Variants in ANKRD50 observed in about 807,000 individuals in gnomAD.
The protein encoded by ANKRD50 is ankyrin repeat domain 50, also known as ankyrin repeat domain-containing protein 50.
Under a neutral mutation model 112.0 loss-of-function variants are expected in ANKRD50, and 40 were observed. The ratio of observed to expected loss-of-function variants is 0.36; its 90% CI spans 0.28 to 0.46. ANKRD50 has a LOEUF of 0.46. ANKRD50 is among the 20% of genes least tolerant of loss of function. The pLI is 1.00. For synonymous variants in ANKRD50, 613 were observed against 619.1 expected, an observed-to-expected ratio of 0.99 and a Z score of 0.15; for missense variants, 1,487 against 1,701.7, an observed-to-expected ratio of 0.87 and a Z score of 2.22.
In ANKRD50 at chr4:124,669,245, C is replaced by T. The variant is rs756371482; in HGVS notation, c.4032G>A (p.Gln1344=). 6.2e-7 allele frequency: 1 copy of T among 1,613,684 alleles called. No individual in the cohort carries two copies. The highest frequency in any genetic ancestry group is 8.5e-7 in the Non-Finnish European group (1 of 1,179,792). The part of the protein sequence containing the change: ...SAQQEIGRSQ[Q]QFLIHQQSGE... Reference sequence around the variant, plus strand: ...CACTTTGTTGGTGAATAAGAAACTGCTGTTGAGATCGACCAATTTCCTGCT... The same window carrying T: ...CACTTTGTTGGTGAATAAGAAACTGTTGTTGAGATCGACCAATTTCCTGCT... Residue 1344 remains glutamine, a synonymous_variant, in exon 4 of 5, where the codon CAG becomes CAA. Transcript: ENST00000504087.
chr4:124,682,082 C>T (rs1180507635), intron 2 of ANKRD50, among the ~76,000 whole-genome samples: 6 of 151,880 alleles, frequency 4.0e-5, no homozygotes, highest in South Asian at 2.1e-4. Flanking sequence ...ACAGGGAGGC[C>T]GAGGCGGGTG....
In ANKRD50 at chr4:124,679,481, C is replaced by T. The variant is rs150247607; in HGVS notation, c.513-576G>A. ...ATATTTTCAAACTTCAAAGTAAGAACAAAGTATTAGGCTTTACTCCATTAA... is the reference window on the plus strand; with the variant it reads ...ATATTTTCAAACTTCAAAGTAAGAATAAAGTATTAGGCTTTACTCCATTAA... On this transcript the variant is annotated intron_variant, in intron 2 of 4. Transcript: ENST00000504087. Among the ~76,000 whole-genome samples the T allele has an allele frequency of 1.5e-3, 234 of 152,236 alleles. 1 individual carries two copies. The highest frequency in any genetic ancestry group is 4.8e-3 in the African/African-American group (200 of 41,544).
chr4:124,691,982 C>T (rs1329171098), intron 2 of ANKRD50, among the ~76,000 whole-genome samples: 4 of 152,150 alleles, frequency 2.6e-5, no homozygotes, highest in Admixed American at 6.5e-5. Context: ...CCACACCTGA[C>T]GTCATGGGAC....
chr4:124,679,451 T>C (rs1017322185), intron 2 of ANKRD50, among the ~76,000 whole-genome samples: 4 of 152,226 alleles, frequency 2.6e-5, no homozygotes, highest in Admixed American at 2.0e-4. Flanking sequence ...TAGATCCCAT[T>C]TGACATATTT....
At chr4:124,678,135 T>G (rs189141418) in intron 3 of ANKRD50, among the ~76,000 whole-genome samples, 172 of 152,264 alleles carry the variant, frequency 1.1e-3, no homozygotes, top group African/African-American at 4.1e-3. Context: ...AAAAGTTATA[T>G]GGCTAATTAA....
At chr4:124,700,360 T>C (rs1725362483) in intron 2 of ANKRD50, among the ~76,000 whole-genome samples, 1 of 152,212 alleles carries the variant, frequency 6.6e-6, no homozygotes, top group Non-Finnish European at 1.5e-5. Context: ...TGGAAGGTTT[T>C]AAGCAGGAAA....
intron 2 of ANKRD50, among the ~76,000 whole-genome samples, chr4:124,694,206 A>C (rs1336227729): frequency 6.6e-6 from 1 of 152,236 alleles, no homozygotes; most frequent in African/African-American, 2.4e-5. Flanking sequence ...AAAACTAGTA[A>C]GTAAAATTGA....
intron 2 of ANKRD50, among the ~76,000 whole-genome samples, chr4:124,689,124 C>T (rs1043294521): frequency 6.6e-6 from 1 of 152,188 alleles, no homozygotes; most frequent in Admixed American, 6.5e-5. Context: ...TTAGCATCCA[C>T]TTTCAAAAAC....
chr4:124,690,238 T>C (rs947756050), intron 2 of ANKRD50, among the ~76,000 whole-genome samples: 5 of 152,210 alleles, frequency 3.3e-5, no homozygotes, highest in African/African-American at 9.6e-5. Flanking sequence ...TAACAATGAA[T>C]ACTCAACATC....
chr4:124,691,486 G>A lies in ANKRD50; in HGVS notation c.513-12581C>T, dbSNP rs865862684. 5.8e-5 allele frequency among the ~76,000 whole-genome samples: 6 copies of A among 102,800 alleles called. No individual in the cohort carries two copies. The East Asian group carries it at 1.6e-3, about 27-fold the overall frequency. The allele number at this position is 102,800 out of a possible 152,430, so 67.4% of individuals were successfully genotyped here. On this transcript the variant is annotated intron_variant, in intron 2 of 4. Transcript: ENST00000504087. ...CGCAGTCCGGCCTGGGCGACAGAGC[G>A]AGACTCCGTCTCAAAAAAAAAAAAA...
At position 124,671,921 on chromosome 4, in the gene ANKRD50, T is replaced by C. The variant is rs779196867; in HGVS notation, c.1356A>G (p.Ala452=). The change falls in exon 4 of 5, where the codon GCA becomes GCG. Residue 452 remains alanine (A), a synonymous_variant. Coordinates refer to ENST00000504087, the MANE Select transcript of ANKRD50 (RefSeq NM_020337.3). ...CQAKNLTPLE[A]QEFALHLINS... Reference sequence around the variant, plus strand: ...TAATTAAGTGCAATGCAAATTCTTGTGCTTCCAATGGTGTTAAATTCTTGG... The same window carrying C: ...TAATTAAGTGCAATGCAAATTCTTGCGCTTCCAATGGTGTTAAATTCTTGG... 20 of 1,613,826 alleles carry C rather than the reference T, an allele frequency of 1.2e-5. No homozygotes were observed. The highest frequency in any genetic ancestry group is 1.7e-6 in the Non-Finnish European group (2 of 1,179,898).
chr4:124,696,302 A>G (rs1412381706), intron 2 of ANKRD50, among the ~76,000 whole-genome samples: 1 of 152,096 alleles, frequency 6.6e-6, no homozygotes, highest in Non-Finnish European at 1.5e-5. Context: ...TAGAAATTCA[A>G]AACAAGTTGA....
chr4:124,712,447 C>T lies in ANKRD50; in HGVS notation c.-764+11G>A, dbSNP rs1578600382. ...GCCTCGCTTCCACCGCCGCCGCCGCCCCCCGGTTACCTCGGCCCCAGCCGC... is the reference window on the plus strand; with the variant it reads ...GCCTCGCTTCCACCGCCGCCGCCGCTCCCCGGTTACCTCGGCCCCAGCCGC... On this transcript the variant is annotated intron_variant, in intron 1 of 4. Transcript: ENST00000504087. The T allele has an allele frequency of 1.9e-5, 3 of 159,872 alleles. No individual in the cohort carries two copies. The East Asian group carries it at 5.6e-4, about 30-fold the overall frequency. The allele number at this position is 159,872 out of a possible 1,614,324, so 9.9% of individuals were successfully genotyped here.
chr4:124,683,651 T>C (rs1724940936), intron 2 of ANKRD50, among the ~76,000 whole-genome samples: 1 of 150,696 alleles, frequency 6.6e-6, no homozygotes. Context: ...TTTACCCATT[T>C]CCCCAAAGAC....
At chr4:124,688,119 G>A (rs1414116902) in intron 2 of ANKRD50, among the ~76,000 whole-genome samples, 1 of 152,112 alleles carries the variant, frequency 6.6e-6, no homozygotes, top group Non-Finnish European at 1.5e-5. Flanking sequence ...TACTAGTGAA[G>A]GGATAAACTA....
At position 124,710,989 on chromosome 4, in the gene ANKRD50, T is replaced by A. The variant is rs1343232117; in HGVS notation, c.-478A>T. ...CTGCATTAAATGGCATCAGAGAGAT[T>A]ACATTTATACGGTATGAGGTACAGT... On this transcript the variant is annotated 5_prime_UTR_variant, in exon 2 of 5. It removes the in-frame stop codon of an upstream open reading frame in the 5' UTR. Coordinates refer to ENST00000504087, the MANE Select transcript of ANKRD50 (RefSeq NM_020337.3). The A allele has an allele frequency of 2.5e-6, 1 of 398,244 alleles. No individual in the cohort carries two copies. Among genetic ancestry groups the A allele is most frequent in the Non-Finnish European group, 4.5e-6 (1 of 224,348 alleles). The allele number at this position is 398,244 out of a possible 1,614,324, so 24.7% of individuals were successfully genotyped here.
chr4:124,690,397 C>T (rs1725108843), intron 2 of ANKRD50, among the ~76,000 whole-genome samples: 2 of 152,158 alleles, frequency 1.3e-5, no homozygotes, highest in South Asian at 2.1e-4. Flanking sequence ...ATATAAATTA[C>T]CAGCTAACCT....
intron 2 of ANKRD50, among the ~76,000 whole-genome samples, chr4:124,683,792 T>C (rs1171682879): frequency 2.0e-5 from 3 of 149,534 alleles, no homozygotes; most frequent in South Asian, 2.1e-4. Context: ...TTGTATGTAA[T>C]ACAATTTTTT....
At chr4:124,695,176 T>A (rs182302393) in intron 2 of ANKRD50, among the ~76,000 whole-genome samples, 1 of 151,908 alleles carries the variant, frequency 6.6e-6, no homozygotes, top group African/African-American at 2.4e-5. Flanking sequence ...AGAAAAAAAA[T>A]GAATACATTA....
Sources: allele counts gnomAD v4.1 joint callset (sites outside exome capture counted in the v4.1 genomes callset), GRCh38; gene constraint gnomAD v4.1.1; transcripts MANE v1.5; gene names NCBI Gene and HGNC (gene_info 2026-07-23, HGNC 2026-07-21).